Variants in DYNC1I1 observed in about 807,000 individuals in gnomAD.
The protein encoded by DYNC1I1 is dynein cytoplasmic 1 intermediate chain 1, also known as cytoplasmic dynein 1 intermediate chain 1.
In DYNC1I1, 43 loss-of-function variants were observed where a neutral mutation model predicts 86.6. The observed-to-expected ratio is 0.50, with a 90% CI of 0.39 to 0.64. The LOEUF is 0.64. DYNC1I1 is among the 30% of genes least tolerant of loss of function. The pLI is 0.00. For synonymous variants in DYNC1I1, 262 were observed against 283.7 expected, an observed-to-expected ratio of 0.92 and a Z score of 0.77; for missense variants, 604 against 788.8, an observed-to-expected ratio of 0.77 and a Z score of 2.81.
At chr7:96,002,294 T>C (rs959835057) in intron 10 of DYNC1I1, among the ~76,000 whole-genome samples, 25 of 152,198 alleles carry the variant, frequency 1.6e-4, no homozygotes, top group Admixed American at 1.2e-3. Context: ...TGCCAGTTGA[T>C]AGAGGGAAAC....
chr7:95,917,441 A>C (rs6952893), intron 6 of DYNC1I1, among the ~76,000 whole-genome samples: 15,650 of 152,110 alleles, frequency 0.1, 984 homozygotes, highest in Middle Eastern at 0.18. Flanking sequence ...TACAGCGTCA[A>C]GTCGAACTTT....
At chr7:95,915,249 C>T (rs751469608) in intron 6 of DYNC1I1, among the ~76,000 whole-genome samples, 2 of 152,150 alleles carry the variant, frequency 1.3e-5, no homozygotes, top group African/African-American at 2.4e-5. Flanking sequence ...GTTCCAGAAG[C>T]TTTGTGCATT....
At chr7:96,061,678 TCTCC>T (rs1181114003) in intron 14 of DYNC1I1, among the ~76,000 whole-genome samples, 12 of 148,418 alleles carry the variant, frequency 8.1e-5, no homozygotes, top group Admixed American at 1.3e-4. Context: ...CCTCTCTCTC[TCTCC>T]CTCCCTCCCT....
rs1429727869 is a variant in DYNC1I1, at chr7:95,943,549, A to G, written c.491-33963A>G. ...TTTAAAGTTCATATGGAACCAAAAAAGAGCCCGCATTGCCAAGTCAATCCT... is the reference window on the plus strand; with the variant it reads ...TTTAAAGTTCATATGGAACCAAAAAGGAGCCCGCATTGCCAAGTCAATCCT... On this transcript the variant is annotated intron_variant, in intron 6 of 16. Transcript: ENST00000447467. 7.4e-5 allele frequency among the ~76,000 whole-genome samples: 6 copies of G among 81,570 alleles called. 2 individuals carry two copies. Among genetic ancestry groups the G allele is most frequent in the Non-Finnish European group, 2.9e-5 (1 of 34,642 alleles). 53.5% of individuals were successfully genotyped at this position (81,570 alleles called of 152,430 possible). A position where few individuals can be genotyped will look rare whatever the true frequency, so the allele number is the denominator to read the frequency against.
intron 1 of DYNC1I1, among the ~76,000 whole-genome samples, chr7:95,790,708 G>A (rs769444690): frequency 1.3e-5 from 2 of 152,192 alleles, no homozygotes; most frequent in Non-Finnish European, 2.9e-5. Flanking sequence ...CAATAGAGAT[G>A]ATATGGCCAA....
At chr7:96,048,428 GC>G (rs1789285630) in intron 14 of DYNC1I1, among the ~76,000 whole-genome samples, 2 of 152,182 alleles carry the variant, frequency 1.3e-5, no homozygotes, top group South Asian at 4.2e-4. Flanking sequence ...TCAAAATGTG[GC>G]CCCAGATCAG....
chr7:95,980,347 T>C (rs556819941), intron 7 of DYNC1I1, among the ~76,000 whole-genome samples: 148 of 152,126 alleles, frequency 9.7e-4, no homozygotes, highest in Admixed American at 2.6e-3. Flanking sequence ...TTGCAAACTT[T>C]TGAAAGAATC....
intron 4 of DYNC1I1, chr7:95,818,612 C>A: frequency 3.4e-6 from 2 of 587,196 alleles, no homozygotes; most frequent in Admixed American, 2.5e-5. Flanking sequence ...TCCCAAAGTG[C>A]TGAGATTACA....
At chr7:95,830,208 G>A (rs183297536) in intron 5 of DYNC1I1, among the ~76,000 whole-genome samples, 217 of 152,204 alleles carry the variant, frequency 1.4e-3, no homozygotes, top group African/African-American at 5.1e-3. Flanking sequence ...CTTTACTGAA[G>A]TATAACTGGC....
At chr7:95,906,375 T>C (rs1181894656) in intron 6 of DYNC1I1, among the ~76,000 whole-genome samples, 1 of 152,212 alleles carries the variant, frequency 6.6e-6, no homozygotes, top group Non-Finnish European at 1.5e-5. Flanking sequence ...AGATATTGAA[T>C]GTAAAGGGTC....
chr7:96,003,314 C>T (rs986476655), intron 10 of DYNC1I1, among the ~76,000 whole-genome samples: 3 of 152,344 alleles, frequency 2.0e-5, no homozygotes, highest in South Asian at 2.1e-4. Flanking sequence ...CTTGTACCTA[C>T]GTAGCTCACA....
chr7:95,940,069 C>T (rs1792161698), intron 6 of DYNC1I1, among the ~76,000 whole-genome samples: 3 of 152,110 alleles, frequency 2.0e-5, no homozygotes, highest in Admixed American at 1.3e-4. Flanking sequence ...CTTAGTTTGG[C>T]TGGATATGAA....
At chr7:96,101,051 A>G (rs1438628387), downstream of DYNC1I1, among the ~76,000 whole-genome samples, 1 of 152,108 alleles carries the variant, frequency 6.6e-6, no homozygotes, top group Non-Finnish European at 1.5e-5. Flanking sequence ...GGGCTTGCTC[A>G]CATCCATGGG....
chr7:96,061,258 G>A (rs902988678), intron 14 of DYNC1I1, among the ~76,000 whole-genome samples: 5 of 152,200 alleles, frequency 3.3e-5, no homozygotes, highest in African/African-American at 9.6e-5. Context: ...TGCCCAGTGG[G>A]ATCAGATGGT....
intron 16 of DYNC1I1, 110 bp from the exon 17 acceptor site, chr7:96,097,373 A>G (rs1427688418): frequency 2.5e-6 from 3 of 1,181,700 alleles, no homozygotes; most frequent in African/African-American, 3.0e-5. Flanking sequence ...ATTCCAAGGG[A>G]AACATCTGCT....
chr7:95,875,172 C>T (rs1223515204), intron 6 of DYNC1I1, among the ~76,000 whole-genome samples: 1 of 152,130 alleles, frequency 6.6e-6, no homozygotes, highest in Non-Finnish European at 1.5e-5. Context: ...TATGACTCAA[C>T]TTTGATCTAT....
chr7:96,042,423 A>T (rs1789077838), intron 14 of DYNC1I1, among the ~76,000 whole-genome samples: 4 of 152,234 alleles, frequency 2.6e-5, no homozygotes. Context: ...GACATTCCTG[A>T]TGCCCAGAAT....
At chr7:95,782,891 C>T (rs189530593) in intron 1 of DYNC1I1, among the ~76,000 whole-genome samples, 10 of 152,242 alleles carry the variant, frequency 6.6e-5, no homozygotes, top group East Asian at 5.8e-4. Context: ...CTTCCCCAGC[C>T]GAACTCCTCT....
chr7:95,991,230 G>A (rs113885195), intron 9 of DYNC1I1, among the ~76,000 whole-genome samples: 4 of 152,066 alleles, frequency 2.6e-5, no homozygotes, highest in Non-Finnish European at 4.4e-5. Context: ...AGTGACTTCC[G>A]TGATGATGCC....
Sources: allele counts gnomAD v4.1 joint callset (sites outside exome capture counted in the v4.1 genomes callset), GRCh38; gene constraint gnomAD v4.1.1; transcripts MANE v1.5; gene names NCBI Gene and HGNC (gene_info 2026-07-23, HGNC 2026-07-21).